The following NTM variants were observed in gnomAD, a reference collection of about 807,000 sequenced individuals.
NTM encodes the protein neurotrimin, also known as IgLON family member 2.
A neutral mutation model predicts 42.1 loss-of-function variants in NTM; 13 were observed. That is an observed-to-expected ratio of 0.31 (90% CI 0.20 to 0.49). NTM has a LOEUF of 0.49. Ranked by LOEUF, NTM falls within the 20% of genes least tolerant of loss-of-function variation. The pLI, the probability that NTM is intolerant of heterozygous loss-of-function variation, is 0.99. For synonymous variants in NTM, 187 were observed against 179.2 expected (o/e 1.04, Z -0.35); for missense variants, 373 against 452.8 (o/e 0.82, Z 1.60).
At chr11:131,651,849 G>T (rs1448411664) in intron 1 of NTM, among the ~76,000 whole-genome samples, 1 of 27,372 alleles carries the variant, frequency 3.7e-5, no homozygotes, top group South Asian at 1.5e-3. Context: ...CCGCCCCCCC[G>T]ACCCAAAAAA....
At chr11:132,307,597 A>G in intron 4 of NTM, 92 bp from the exon 5 acceptor site, 4 of 1,543,364 alleles carry the variant, frequency 2.6e-6, no homozygotes, top group South Asian at 1.2e-5. Flanking sequence ...AATTATCTGC[A>G]GACATAACCA....
At chr11:131,444,325 G>C (rs2135997645) in intron 1 of NTM, among the ~76,000 whole-genome samples, 1 of 152,002 alleles carries the variant, frequency 6.6e-6, no homozygotes, top group East Asian at 1.9e-4. Context: ...AAAGTCCAAG[G>C]AGTGCGTCTT....
At chr11:131,508,501 G>A (rs2047796153) in intron 1 of NTM, among the ~76,000 whole-genome samples, 1 of 133,938 alleles carries the variant, frequency 7.5e-6, no homozygotes, top group Non-Finnish European at 1.6e-5. Context: ...TCTAGAACTG[G>A]AAATACCATT....
intron 2 of NTM, among the ~76,000 whole-genome samples, chr11:132,112,466 T>C (rs187243420): frequency 1.1e-3 from 170 of 152,254 alleles, no homozygotes; most frequent in Admixed American, 2.0e-3. Context: ...TTTCTCTGAT[T>C]TGATAGAGAA....
At chr11:131,998,966 A>G (rs374590921) in intron 2 of NTM, among the ~76,000 whole-genome samples, 1 of 152,130 alleles carries the variant, frequency 6.6e-6, no homozygotes, top group Admixed American at 6.6e-5. Flanking sequence ...GATTTCCAAG[A>G]CACTGATTGG....
At chr11:131,617,089 G>T (rs2062014911) in intron 1 of NTM, among the ~76,000 whole-genome samples, 1 of 152,130 alleles carries the variant, frequency 6.6e-6, no homozygotes, top group African/African-American at 2.4e-5. Flanking sequence ...TGTGGGGCTG[G>T]ACGCTGCGAG....
intron 1 of NTM, among the ~76,000 whole-genome samples, chr11:131,585,911 A>G (rs2058817918): frequency 6.6e-6 from 1 of 151,978 alleles, no homozygotes; most frequent in African/African-American, 2.4e-5. Flanking sequence ...ATTCTCACCA[A>G]TTTGCCAGAA....
At chr11:131,440,628 T>A (rs1049807986) in intron 1 of NTM, among the ~76,000 whole-genome samples, 1 of 151,824 alleles carries the variant, frequency 6.6e-6, no homozygotes, top group Non-Finnish European at 1.5e-5. Context: ...TCCTGGGTGA[T>A]GATGATTCTG....
chr11:131,759,112 C>A (rs1365130795), intron 1 of NTM, among the ~76,000 whole-genome samples: 1 of 152,148 alleles, frequency 6.6e-6, no homozygotes, highest in Non-Finnish European at 1.5e-5. Context: ...ACCTTCACAC[C>A]TTTATGATTC....
intron 7 of NTM, among the ~76,000 whole-genome samples, chr11:132,321,220 A>G (rs145885341): frequency 0.012 from 1,765 of 152,298 alleles, 30 homozygotes; most frequent in African/African-American, 0.04. Context: ...AGACAATCAA[A>G]TTGCTCTGAG....
intron 1 of NTM, among the ~76,000 whole-genome samples, chr11:131,668,960 T>C (rs2069601852): frequency 6.6e-6 from 1 of 152,202 alleles, no homozygotes; most frequent in Admixed American, 6.5e-5. Flanking sequence ...GGAGACTTGT[T>C]CCACTGGTGG....
chr11:131,590,754 G>A (rs1044652418), intron 1 of NTM, among the ~76,000 whole-genome samples: 1 of 152,182 alleles, frequency 6.6e-6, no homozygotes, highest in Admixed American at 6.5e-5. Flanking sequence ...GTGAGGTAAC[G>A]GGCTTCCTAA....
intron 3 of NTM, among the ~76,000 whole-genome samples, chr11:132,148,382 T>C (rs6590627): frequency 0.65 from 98,027 of 151,860 alleles, 32,045 homozygotes; most frequent in Non-Finnish European, 0.67. Context: ...GTGAATGCCC[T>C]GGTGCCACCA....
chr11:132,167,616 C>A (rs1306101872), intron 3 of NTM, among the ~76,000 whole-genome samples: 1 of 152,138 alleles, frequency 6.6e-6, no homozygotes, highest in Non-Finnish European at 1.5e-5. Flanking sequence ...AACATATTGG[C>A]TTCAGTTGTC....
intron 1 of NTM, among the ~76,000 whole-genome samples, chr11:131,787,311 C>T (rs908774366): frequency 6.7e-6 from 1 of 149,602 alleles, no homozygotes; most frequent in African/African-American, 2.4e-5. Context: ...AATGAAAATA[C>T]TTCACAGTAT....
chr11:131,391,578 T>G (rs914819909), intron 1 of NTM, among the ~76,000 whole-genome samples: 1 of 3,094 alleles, frequency 3.2e-4, no homozygotes. Flanking sequence ...GACAAGTCTT[T>G]TTTTTTTTTT....
intron 4 of NTM, among the ~76,000 whole-genome samples, chr11:132,244,179 T>C (rs2090682757): frequency 6.6e-6 from 1 of 152,068 alleles, no homozygotes; most frequent in Non-Finnish European, 1.5e-5. Flanking sequence ...GTGCTCAGTG[T>C]AGAAGGGAGG....
At chr11:131,625,710 C>T (rs924381227) in intron 1 of NTM, among the ~76,000 whole-genome samples, 1 of 152,200 alleles carries the variant, frequency 6.6e-6, no homozygotes, top group Admixed American at 6.5e-5. Context: ...TCACCAGGCC[C>T]TGTTGTGCTC....
At chr11:132,064,618 T>C (rs1291952409) in intron 2 of NTM, among the ~76,000 whole-genome samples, 1 of 152,156 alleles carries the variant, frequency 6.6e-6, no homozygotes, top group Non-Finnish European at 1.5e-5. Flanking sequence ...TTTCGGATGA[T>C]TTAAAATGAG....
Sources: gnomAD v4.1 joint callset for allele counts (sites outside exome capture counted in the v4.1 genomes callset) on GRCh38, gnomAD v4.1.1 for gene constraint, MANE v1.5 for transcripts, NCBI Gene and HGNC (gene_info 2026-07-23, HGNC 2026-07-21) for gene names.